The following CAPZA2 variants were observed in gnomAD, a reference collection of about 807,000 sequenced individuals.
The protein encoded by CAPZA2 is capping actin protein of muscle Z-line subunit alpha 2.
CAPZA2 carries 13 observed loss-of-function variants against 44.0 expected under a neutral mutation model. That is an observed-to-expected ratio of 0.30 (90% CI 0.19 to 0.47). The LOEUF (loss-of-function observed/expected upper bound fraction) is 0.47, where lower values mean the gene tolerates loss of function less well. CAPZA2 is among the 20% of genes least tolerant of loss of function. CAPZA2 has a pLI of 1.00. For missense variants in CAPZA2, 244 were observed against 338.6 expected (o/e 0.72, Z 2.19); for synonymous variants, 94 against 108.2 (o/e 0.87, Z 0.81).
At chr7:116,915,428 A>T (rs939253218) in intron 8 of CAPZA2, 1 of 152,152 alleles carries the variant, frequency 6.6e-6, no homozygotes, top group Non-Finnish European at 1.5e-5. Flanking sequence ...TTTTTTAGGA[A>T]TGACCATTTT....
intron 1 of CAPZA2, 51 bp downstream of exon 1, chr7:116,862,701 G>A (rs1345484833): frequency 1.1e-5 from 17 of 1,498,132 alleles, no homozygotes; most frequent in African/African-American, 1.5e-5. Context: ...GGCTCAGCCC[G>A]GGCGGGTGGG....
intron 9 of CAPZA2, 76 bp downstream of exon 9, chr7:116,916,198 G>T: frequency 2.1e-6 from 3 of 1,402,304 alleles, no homozygotes; most frequent in Non-Finnish European, 1.9e-6. Flanking sequence ...TTCAGCCAAA[G>T]GCTGAATTTT....
chr7:116,908,049 C>T (rs922909430), intron 6 of CAPZA2, among the ~76,000 whole-genome samples: 12 of 151,672 alleles, frequency 7.9e-5, no homozygotes, highest in African/African-American at 2.9e-4. Context: ...TGGCCAGAGG[C>T]CAGGAGTTCA....
chr7:116,910,891 T>C (rs1333834179), intron 7 of CAPZA2, among the ~76,000 whole-genome samples: 1 of 146,872 alleles, frequency 6.8e-6, no homozygotes, highest in Non-Finnish European at 1.5e-5. Context: ...CTCAGGAGGC[T>C]GAGGCAGGAG....
intron 1 of CAPZA2, among the ~76,000 whole-genome samples, chr7:116,881,928 ATTAT>A (rs1316700152): frequency 2.0e-5 from 3 of 151,718 alleles, no homozygotes; most frequent in Non-Finnish European, 4.4e-5. Context: ...GTACAGACTG[ATTAT>A]TTTGTAGGCT....
chr7:116,871,038 G>A (rs899262451), intron 1 of CAPZA2, among the ~76,000 whole-genome samples: 13 of 152,184 alleles, frequency 8.5e-5, no homozygotes, highest in Non-Finnish European at 1.9e-4. Context: ...TGGAAAAGAG[G>A]TCAGCTCCAG....
intron 1 of CAPZA2, among the ~76,000 whole-genome samples, chr7:116,865,102 C>T (rs771009406): frequency 1.3e-5 from 2 of 150,276 alleles, no homozygotes; most frequent in Non-Finnish European, 2.9e-5. Context: ...CACCCAAGGA[C>T]GGTCAAGATG....
rs775497509 is a variant in CAPZA2 at position 116,918,021 on chromosome 7, A to G, written c.*154A>G. 1.4e-5 allele frequency: 8 copies of G among 571,732 alleles called. No individual in the cohort carries two copies. The highest frequency in any genetic ancestry group is 2.5e-5 in the Non-Finnish European group (8 of 321,804). 35.4% of individuals were successfully genotyped at this position (571,732 alleles called of 1,614,324 possible). ...TTGATTAGAGCACAAAGCTTAGCTA[A>G]TCAACCATTATTTTTCATTTTGTTT... On this transcript the variant is annotated 3_prime_UTR_variant, in exon 10 of 10. Coordinates refer to ENST00000361183, the MANE Select transcript of CAPZA2 (RefSeq NM_006136.3).
At chr7:116,911,246 A>C (rs1347977652) in intron 7 of CAPZA2, among the ~76,000 whole-genome samples, 1 of 152,198 alleles carries the variant, frequency 6.6e-6, no homozygotes, top group South Asian at 2.1e-4. Flanking sequence ...AGCATTTAGC[A>C]TAGTACCATA....
intron 1 of CAPZA2, among the ~76,000 whole-genome samples, chr7:116,870,899 A>G (rs984409175): frequency 1.3e-5 from 2 of 152,244 alleles, no homozygotes; most frequent in African/African-American, 2.4e-5. Context: ...TAACAACTGG[A>G]GAACACAGGA....
intron 1 of CAPZA2, among the ~76,000 whole-genome samples, chr7:116,869,097 G>C (rs981642158): frequency 2.0e-5 from 3 of 152,152 alleles, no homozygotes; most frequent in Non-Finnish European, 4.4e-5. Flanking sequence ...GCAAAACTTG[G>C]ATCTGTGGTT....
intron 4 of CAPZA2, among the ~76,000 whole-genome samples, chr7:116,903,225 CA>C (rs984821263): frequency 1.1e-4 from 15 of 136,418 alleles, no homozygotes; most frequent in Admixed American, 1.5e-4. Context: ...AAGCCAGATG[CA>C]GAGAAGAGTG....
Position 116,919,243 on chromosome 7 carries a change from A to G in CAPZA2, c.*1376A>G, listed in dbSNP as rs1168990298. On this transcript the variant is annotated 3_prime_UTR_variant, in exon 10 of 10. Transcript: ENST00000361183. ...GTTGGGCTTTGAAAGCATTGAGAATATAATATGAAATTATGACATTTTGTC... is the reference window on the plus strand; with the variant it reads ...GTTGGGCTTTGAAAGCATTGAGAATGTAATATGAAATTATGACATTTTGTC... 1 of 152,628 alleles carries G rather than the reference A, an allele frequency of 6.6e-6. No homozygotes were observed. Among genetic ancestry groups the G allele is most frequent in the Non-Finnish European group, 1.5e-5 (1 of 68,042 alleles). 9.5% of individuals were successfully genotyped at this position (152,628 alleles called of 1,614,324 possible).
intron 1 of CAPZA2, among the ~76,000 whole-genome samples, chr7:116,878,285 C>T (rs1796646100): frequency 6.6e-6 from 1 of 152,160 alleles, no homozygotes; most frequent in African/African-American, 2.4e-5. Flanking sequence ...ACAAAAGAAT[C>T]GTCATAGAAG....
At chr7:116,881,383 G>A (rs1796695742) in intron 1 of CAPZA2, among the ~76,000 whole-genome samples, 1 of 151,980 alleles carries the variant, frequency 6.6e-6, no homozygotes, top group Non-Finnish European at 1.5e-5. Flanking sequence ...AGTAGAGAAG[G>A]AATTTTTTTC....
intron 4 of CAPZA2, among the ~76,000 whole-genome samples, chr7:116,900,485 T>C (rs1161792450): frequency 6.6e-6 from 1 of 151,212 alleles, no homozygotes; most frequent in African/African-American, 2.4e-5. Flanking sequence ...AACTCATGAG[T>C]TGTCCTTTAT....
Position 116,921,214 on chromosome 7 carries a change from T to A in CAPZA2, c.*3347T>A, listed in dbSNP as rs914770493. On this transcript the variant is annotated 3_prime_UTR_variant, in exon 10 of 10. Coordinates refer to ENST00000361183, the MANE Select transcript of CAPZA2 (RefSeq NM_006136.3). ...TCCTGGCCAATATGGTGCAACCCCA[T>A]CTCTACTAAAAATACAAAAATTAGC... is the stretch of plus-strand genomic sequence containing the variant. 1 of 152,086 alleles carries A rather than the reference T, an allele frequency of 6.6e-6. No individual in the cohort carries two copies. Among genetic ancestry groups the A allele is most frequent in the African/African-American group, 2.4e-5 (1 of 41,340 alleles). 9.4% of individuals were successfully genotyped at this position (152,086 alleles called of 1,614,324 possible).
At chr7:116,867,585 T>C (rs1333052424) in intron 1 of CAPZA2, among the ~76,000 whole-genome samples, 16 of 147,080 alleles carry the variant, frequency 1.1e-4, no homozygotes, top group African/African-American at 2.0e-4. Flanking sequence ...TCTCTCTCTT[T>C]TTTTTTTTTT....
At chr7:116,879,221 C>T (rs1279217284) in intron 1 of CAPZA2, among the ~76,000 whole-genome samples, 3 of 150,654 alleles carry the variant, frequency 2.0e-5, no homozygotes, top group East Asian at 2.0e-4. Context: ...ATAATAATAG[C>T]TAATATTATT....
Sources: gnomAD v4.1 joint callset for allele counts (sites outside exome capture counted in the v4.1 genomes callset) on GRCh38, gnomAD v4.1.1 for gene constraint, MANE v1.5 for transcripts, NCBI Gene and HGNC (gene_info 2026-07-23, HGNC 2026-07-21) for gene names.